Variants in ZDHHC5 observed in about 807,000 individuals in gnomAD.
ZDHHC5 encodes zDHHC palmitoyltransferase 5, also known as palmitoyltransferase ZDHHC5.
Under a neutral mutation model 70.0 loss-of-function variants are expected in ZDHHC5, and 22 were observed. The observed-to-expected ratio is 0.31, with a 90% confidence interval of 0.22 to 0.45. The LOEUF is 0.45. ZDHHC5 is among the 20% of genes least tolerant of loss of function. The pLI is 1.00. For missense variants in ZDHHC5, 746 were observed against 926.9 expected (o/e 0.80, Z 2.53); for synonymous variants, 313 against 347.8 (o/e 0.90, Z 1.11).
chr11:57,679,070 G>A (rs1382078969), intron 2 of ZDHHC5, among the ~76,000 whole-genome samples: 1 of 152,120 alleles, frequency 6.6e-6, no homozygotes, highest in Non-Finnish European at 1.5e-5. Flanking sequence ...TTTTGTAACA[G>A]GATGCATTAG....
At chr11:57,670,736 GGCACCTTT>G (rs1320976972) in intron 1 of ZDHHC5, among the ~76,000 whole-genome samples, 2 of 152,006 alleles carry the variant, frequency 1.3e-5, no homozygotes, top group Non-Finnish European at 2.9e-5. Context: ...CGTAAGGGAA[GGCACCTTT>G]GCCTTCCATG....
Position 57,693,914 on chromosome 11 carries a change from A to G in ZDHHC5, c.884A>G (p.Lys295Arg). Residue 295 changes from lysine (K) to arginine (R), a missense_variant and splice_region_variant, in exon 8 of 12, where the codon AAG becomes AGG. By Grantham distance (26) the Lys-to-Arg change is conservative. Coordinates refer to ENST00000287169, the MANE Select transcript of ZDHHC5 (RefSeq NM_015457.3). ...ATCCAGGGAGAGCTGAGGAGAACAA[A>G]GGTGAGGAATTTAGAGAAGTCAAGC... Reference protein sequence around the residue: ...NGIQGELRRTKSKGSLEITES... With the variant: ...NGIQGELRRTRSKGSLEITES... 6.2e-7 allele frequency: 1 copy of G among 1,610,108 alleles called. No individual in the cohort carries two copies. Among genetic ancestry groups the G allele is most frequent in the South Asian group, 1.1e-5 (1 of 90,074 alleles).
chr11:57,695,554 G>C (rs1200285249), intron 8 of ZDHHC5, among the ~76,000 whole-genome samples: 1 of 152,168 alleles, frequency 6.6e-6, no homozygotes, highest in African/African-American at 2.4e-5. Context: ...GGGTGGCCAA[G>C]GTGGGGTGAT....
chr11:57,700,992 GGC>G lies in ZDHHC5; in HGVS notation c.*962_*963del, dbSNP rs1029518240. The G allele has an allele frequency of 6.6e-6, 1 of 152,644 alleles. No individual in the cohort carries two copies. The highest frequency in any genetic ancestry group is 1.5e-5 in the Non-Finnish European group (1 of 68,078). 9.5% of individuals were successfully genotyped at this position (152,644 alleles called of 1,614,324 possible). ...CGGGGGATAGAGAGAAGGAGTGGCA[GGC>G]CTAGGCCCCTCCGATTGTCCCTTGG... On this transcript the variant is annotated 3_prime_UTR_variant, in exon 12 of 12. Transcript: ENST00000287169.
chr11:57,677,031 C>T (rs1946081027), intron 2 of ZDHHC5, among the ~76,000 whole-genome samples: 3 of 146,712 alleles, frequency 2.0e-5, no homozygotes, highest in Admixed American at 6.9e-5. Context: ...ATGCCATTCT[C>T]CTGCCTCAGC....
intron 2 of ZDHHC5, among the ~76,000 whole-genome samples, chr11:57,678,276 C>T (rs1946098728): frequency 6.6e-6 from 1 of 152,128 alleles, no homozygotes; most frequent in Non-Finnish European, 1.5e-5. Flanking sequence ...TGTCTTCTGT[C>T]CACTGAATGC....
At chr11:57,699,538 CTCTT>C in intron 11 of ZDHHC5, 120 bp downstream of exon 11, 1 of 1,425,452 alleles carries the variant, frequency 7.0e-7, no homozygotes, top group South Asian at 1.4e-5. Flanking sequence ...ATCCTGGTAG[CTCTT>C]TATTTTCACT....
chr11:57,684,531 G>A (rs946144938), intron 3 of ZDHHC5, among the ~76,000 whole-genome samples: 19 of 152,152 alleles, frequency 1.2e-4, no homozygotes, highest in African/African-American at 4.3e-4. Context: ...TTAGGATACA[G>A]AATTTAGCTT....
chr11:57,695,101 A>C (rs899515761), intron 8 of ZDHHC5, among the ~76,000 whole-genome samples: 1 of 152,106 alleles, frequency 6.6e-6, no homozygotes, highest in African/African-American at 2.4e-5. Context: ...TGTCTCTATT[A>C]AAAATACAAA....
chr11:57,699,338 G>T lies in ZDHHC5; in HGVS notation c.1902G>T (p.Ser634=). ...PGPTAPYLGR[S]MSYSSQKAQP... ...CAACAGCCCCATACCTGGGCCGATC[G>T]ATGTCTTACAGCAGCCAAAAAGCCC... Residue 634 remains serine (S), a synonymous_variant, in exon 11 of 12, where the codon TCG becomes TCT. Transcript: ENST00000287169. 6.2e-7 allele frequency: 1 copy of T among 1,612,656 alleles called. No individual in the cohort carries two copies. Among genetic ancestry groups the T allele is most frequent in the Non-Finnish European group, 8.5e-7 (1 of 1,179,016 alleles).
intron 6 of ZDHHC5, 34 bp from the exon 7 acceptor site, chr11:57,692,577 A>G (rs1565196675): frequency 1.2e-6 from 2 of 1,602,650 alleles, no homozygotes; most frequent in Non-Finnish European, 1.7e-6. Context: ...TCAAGGTCTC[A>G]TCTTCTAACC....
chr11:57,692,762 C>A, intron 7 of ZDHHC5, 60 bp downstream of exon 7: 1 of 1,573,074 alleles, frequency 6.4e-7, no homozygotes, highest in East Asian at 2.2e-5. Flanking sequence ...CTTCTTTGGG[C>A]TTGTTCTGGT....
intron 2 of ZDHHC5, chr11:57,681,764 T>TC (rs1946152471): frequency 6.6e-6 from 1 of 152,208 alleles, no homozygotes; most frequent in Non-Finnish European, 1.5e-5. Context: ...GTCTCTATCC[T>TC]CCCCCATTCC....
rs528952031 is a variant in ZDHHC5 at position 57,678,130 on chromosome 11, C to T, written c.105-4292C>T. Among the ~76,000 whole-genome samples, 96 of 152,304 alleles carry T rather than the reference C, an allele frequency of 6.3e-4. No individual in the cohort carries two copies. The Middle Eastern group carries it at 0.02, about 32-fold the overall frequency. ...CAATATGCTAGGCATGGGCAGAATGCATAGACCTATTCTTTAGGAGCTTAG... is the reference window on the plus strand; with the variant it reads ...CAATATGCTAGGCATGGGCAGAATGTATAGACCTATTCTTTAGGAGCTTAG... On this transcript the variant is annotated intron_variant, in intron 2 of 11. Transcript: ENST00000287169.
At chr11:57,669,623 ATTTG>A (rs894260907) in intron 1 of ZDHHC5, among the ~76,000 whole-genome samples, 14 of 151,876 alleles carry the variant, frequency 9.2e-5, no homozygotes, top group African/African-American at 3.1e-4. Context: ...CGCCCTGCTC[ATTTG>A]TTTGTATTTT....
Position 57,693,770 on chromosome 11 carries a change from TCTC to T in ZDHHC5, c.753-12_753-10del. 1 of 1,548,300 alleles carries T rather than the reference TCTC, an allele frequency of 6.5e-7. No individual in the cohort carries two copies. On this transcript the variant is annotated splice_polypyrimidine_tract_variant and intron_variant, in intron 7 of 11. Coordinates refer to ENST00000287169, the MANE Select transcript of ZDHHC5 (RefSeq NM_015457.3). ...CTCGCTGTGTCTCTCTCTCTCTCTC[TCTC>T]GACACTTAGGTATTTGGGGAGACCA...
At position 57,700,972 on chromosome 11, in the gene ZDHHC5, G is replaced by T. The variant is rs1276775791; in HGVS notation, c.*941G>T. ...TTTTCATCACATGCCAAAAACGGGG[G>T]ATAGAGAGAAGGAGTGGCAGGCCTA... On this transcript the variant is annotated 3_prime_UTR_variant, in exon 12 of 12. Transcript: ENST00000287169. 1 of 152,686 alleles carries T rather than the reference G, an allele frequency of 6.5e-6. No individual in the cohort carries two copies. Among genetic ancestry groups the T allele is most frequent in the Non-Finnish European group, 1.5e-5 (1 of 68,112 alleles). The allele number at this position is 152,686 out of a possible 1,614,324, so 9.5% of individuals were successfully genotyped here. A position where few individuals can be genotyped will look rare whatever the true frequency, so the allele number is the denominator to read the frequency against.
chr11:57,697,096 C>T (rs985452078), intron 10 of ZDHHC5, among the ~76,000 whole-genome samples: 6 of 150,558 alleles, frequency 4.0e-5, no homozygotes, highest in Admixed American at 6.6e-5. Flanking sequence ...TTTGGGAGGC[C>T]GAGACTGGTG....
chr11:57,685,010 T>C (rs1243898286), intron 3 of ZDHHC5, among the ~76,000 whole-genome samples: 1 of 151,944 alleles, frequency 6.6e-6, no homozygotes, highest in Non-Finnish European at 1.5e-5. Flanking sequence ...TAGCCCGACA[T>C]GGTGGTGGGT....
Sources: allele counts gnomAD v4.1 joint callset (sites outside exome capture counted in the v4.1 genomes callset), GRCh38; gene constraint gnomAD v4.1.1; transcripts MANE v1.5; gene names NCBI Gene and HGNC (gene_info 2026-07-23, HGNC 2026-07-21).